Variants in INSL6 observed in about 807,000 individuals in gnomAD.
INSL6 encodes the protein insulin-like peptide INSL6.
Under a neutral mutation model 9.4 loss-of-function variants are expected in INSL6, and 16 were observed. The observed-to-expected ratio is 1.70, with a 90% CI of 1.15 to 2.59. INSL6 has a LOEUF of 2.59. Ranked by LOEUF, INSL6 falls within the 30% of genes most tolerant of loss-of-function variation. INSL6 has a pLI of 0.00. For missense variants in INSL6, 391 were observed against 257.3 expected (o/e 1.52, Z -3.56); for synonymous variants, 154 against 96.9 (o/e 1.59, Z -3.46).
At chr9:5,111,302 C>A in the INSL6 span, 1 of 468,904 alleles carries the variant, frequency 2.1e-6, no homozygotes, top group Admixed American at 2.6e-5. Context: ...GCAAGCTGGC[C>A]CTCAGCAGCC....
chr9:5,028,807 C>G, the INSL6 span, among the ~76,000 whole-genome samples: 1 of 152,190 alleles, frequency 6.6e-6, no homozygotes, highest in Non-Finnish European at 1.5e-5. Flanking sequence ...CCTCTCTCAG[C>G]CTTCACAGGT....
At chr9:5,144,339 G>A (rs780144434) in intron 2 of INSL6, among the ~76,000 whole-genome samples, 3 of 152,106 alleles carry the variant, frequency 2.0e-5, no homozygotes, top group Non-Finnish European at 4.4e-5. Flanking sequence ...TAGTGATTTC[G>A]AATTTTATGG....
intron 3 of INSL6, chr9:5,127,680 A>G (rs1314027297): frequency 1.3e-5 from 3 of 232,340 alleles, no homozygotes; most frequent in Non-Finnish European, 2.6e-5. Context: ...TGCCAATAAC[A>G]TTCTTCGATC....
chr9:5,112,469 A>G, the INSL6 span: 1 of 547,822 alleles, frequency 1.8e-6, no homozygotes, highest in Non-Finnish European at 3.3e-6. Context: ...GACCCCCGGG[A>G]CCGGACCAGC....
the INSL6 span, among the ~76,000 whole-genome samples, chr9:5,062,279 C>A: frequency 6.6e-6 from 1 of 151,754 alleles, no homozygotes; most frequent in Non-Finnish European, 1.5e-5. Context: ...ATGCAGGGGT[C>A]CTGTAACTAA....
chr9:5,010,992 G>C, the INSL6 span, among the ~76,000 whole-genome samples: 7 of 152,124 alleles, frequency 4.6e-5, no homozygotes, highest in African/African-American at 9.7e-5. Context: ...AGCGATGTCA[G>C]TTCTATTTCT....
At chr9:5,172,532 AGTGGGAGG>A (rs1474948957) in intron 1 of INSL6, among the ~76,000 whole-genome samples, 1 of 152,222 alleles carries the variant, frequency 6.6e-6, no homozygotes, top group African/African-American at 2.4e-5. Context: ...CAACCTACAG[AGTGGGAGG>A]AAATTTTTGC....
At chr9:5,176,943 A>C (rs1465905215) in intron 1 of INSL6, among the ~76,000 whole-genome samples, 1 of 152,232 alleles carries the variant, frequency 6.6e-6, no homozygotes. Context: ...AAAAAAAAGT[A>C]TTAAGCATGA....
intron 2 of INSL6, among the ~76,000 whole-genome samples, chr9:5,148,073 AG>A (rs1434050577): frequency 6.6e-6 from 1 of 152,204 alleles, no homozygotes. Context: ...ACTCACTGCT[AG>A]TGAGCTAACA....
chr9:5,023,624 G>A, the INSL6 span, among the ~76,000 whole-genome samples: 1 of 152,200 alleles, frequency 6.6e-6, no homozygotes, highest in Non-Finnish European at 1.5e-5. Context: ...TTCCCTGTGT[G>A]GAGTCTCTCC....
chr9:5,122,191 G>A (rs375802616), downstream of INSL6, among the ~76,000 whole-genome samples: 1 of 152,062 alleles, frequency 6.6e-6, no homozygotes, highest in African/African-American at 2.4e-5. Context: ...TTTAATATCA[G>A]TCTAAAACAC....
the INSL6 span, among the ~76,000 whole-genome samples, chr9:5,033,808 G>A: frequency 7.9e-5 from 12 of 152,252 alleles, no homozygotes; most frequent in South Asian, 2.1e-4. Flanking sequence ...AAAGACCATC[G>A]AGGCTAGGAA....
At chr9:5,134,951 C>A (rs777016815) in intron 2 of INSL6, among the ~76,000 whole-genome samples, 1 of 152,064 alleles carries the variant, frequency 6.6e-6, no homozygotes, top group Admixed American at 6.5e-5. Context: ...AGCTCACATG[C>A]AAAGACACAC....
intron 2 of INSL6, chr9:5,133,666 G>A (rs1824334619): frequency 6.6e-6 from 1 of 151,954 alleles, no homozygotes; most frequent in South Asian, 2.1e-4. Flanking sequence ...TCAACAAAAT[G>A]TCCACTCAGA....
chr9:5,127,737 T>C (rs1050500978), intron 3 of INSL6: 14 of 232,462 alleles, frequency 6.0e-5, no homozygotes, highest in Non-Finnish European at 8.5e-5. Flanking sequence ...AGCCATAAAA[T>C]AGATTAGATT....
At chr9:5,178,065 A>T (rs963749662) in intron 1 of INSL6, among the ~76,000 whole-genome samples, 1 of 152,138 alleles carries the variant, frequency 6.6e-6, no homozygotes, top group Non-Finnish European at 1.5e-5. Context: ...TAGTAGAGAC[A>T]GGGTTTGCCA....
At chr9:5,023,205 A>G in the INSL6 span, among the ~76,000 whole-genome samples, 12 of 152,012 alleles carry the variant, frequency 7.9e-5, no homozygotes, top group Non-Finnish European at 1.8e-4. Context: ...AATCCACTCT[A>G]CCTTCATGTG....
chr9:5,022,218 G>A, the INSL6 span: 55 of 1,606,252 alleles, frequency 3.4e-5, no homozygotes, highest in Middle Eastern at 3.3e-4. Flanking sequence ...CTTGTGGTAA[G>A]TATTAAAAAA....
At chr9:5,009,316 C>T in the INSL6 span, among the ~76,000 whole-genome samples, 5 of 151,910 alleles carry the variant, frequency 3.3e-5, no homozygotes, top group East Asian at 1.9e-4. Context: ...AGAATAAAGC[C>T]GTGAAGAATA....
Sources: allele counts gnomAD v4.1 joint callset (sites outside exome capture counted in the v4.1 genomes callset), GRCh38; gene constraint gnomAD v4.1.1; transcripts MANE v1.5; gene names NCBI Gene and HGNC (gene_info 2026-07-23, HGNC 2026-07-21).